PBX1: variants seen among roughly 807,000 people sequenced by gnomAD.
PBX1 encodes the protein pre-B-cell leukemia transcription factor 1.
PBX1 carries 6 observed loss-of-function variants against 53.4 expected under a neutral mutation model. The observed-to-expected ratio is 0.11, with a 90% CI of 0.06 to 0.22. PBX1 has a LOEUF of 0.22. Ranked by LOEUF, PBX1 falls within the 10% of genes least tolerant of loss-of-function variation. PBX1 has a pLI of 1.00. For synonymous variants in PBX1, 204 were observed against 212.3 expected (o/e 0.96, Z 0.34); for missense variants, 251 against 551.4 (o/e 0.46, Z 5.46).
intron 2 of PBX1, among the ~76,000 whole-genome samples, chr1:164,758,160 C>A (rs1321034457): frequency 6.6e-6 from 1 of 152,146 alleles, no homozygotes; most frequent in African/African-American, 2.4e-5. Flanking sequence ...ACAACTTCTA[C>A]CCCTAGAAAC....
At chr1:164,866,845 C>T (rs1233661784) in intron 2 of PBX1, among the ~76,000 whole-genome samples, 2 of 152,072 alleles carry the variant, frequency 1.3e-5, no homozygotes, top group Admixed American at 1.3e-4. Flanking sequence ...TCAGAAGGGA[C>T]CTTGAAAGTC....
At chr1:164,648,095 G>T (rs1032984978) in intron 2 of PBX1, among the ~76,000 whole-genome samples, 2 of 152,136 alleles carry the variant, frequency 1.3e-5, no homozygotes, top group South Asian at 4.1e-4. Flanking sequence ...GATTGCAGGC[G>T]TGAGCCACCG....
rs375506788 is a variant in PBX1, at chr1:164,799,722, C to G, written c.534C>G (p.His178Gln). 6.2e-7 allele frequency: 1 copy of G among 1,613,532 alleles called. No homozygotes were observed. The highest frequency in any genetic ancestry group is 8.5e-7 in the Non-Finnish European group (1 of 1,179,620). ...YEQACNEFTT[H>Q]VMNLLREQSR... Reference sequence around the variant, plus strand: ...AGGCCTGCAACGAGTTCACCACCCACGTGATGAATCTCCTGCGAGAGCAAA... The same window carrying G: ...AGGCCTGCAACGAGTTCACCACCCAGGTGATGAATCTCCTGCGAGAGCAAA... Residue 178 changes from histidine (H) to glutamine (Q), a missense_variant, in exon 4 of 9, where the codon CAC becomes CAG. His to Gln is a conservative substitution (Grantham distance 24). Transcript: ENST00000420696.
At chr1:164,625,555 G>A (rs1443854834) in intron 2 of PBX1, among the ~76,000 whole-genome samples, 1 of 152,150 alleles carries the variant, frequency 6.6e-6, no homozygotes. Flanking sequence ...AAAATGAGAA[G>A]TAATTTTTGG....
At chr1:164,653,294 C>T (rs996740737) in intron 2 of PBX1, among the ~76,000 whole-genome samples, 9 of 151,258 alleles carry the variant, frequency 6.0e-5, no homozygotes, top group Non-Finnish European at 1.3e-4. Flanking sequence ...TCCTTATTAT[C>T]GAGTGGTATT....
At chr1:164,754,948 G>A (rs1374359935) in intron 2 of PBX1, among the ~76,000 whole-genome samples, 1 of 152,130 alleles carries the variant, frequency 6.6e-6, no homozygotes, top group African/African-American at 2.4e-5. Flanking sequence ...ATTGAATGTG[G>A]TGCTAAGAAT....
chr1:164,781,779 G>T (rs553680957), intron 2 of PBX1, among the ~76,000 whole-genome samples: 2 of 152,222 alleles, frequency 1.3e-5, no homozygotes, highest in East Asian at 1.9e-4. Context: ...AATGACCAAG[G>T]TCTCTTTGAT....
chr1:164,780,429 C>G (rs1258130183), intron 2 of PBX1, among the ~76,000 whole-genome samples: 2 of 152,174 alleles, frequency 1.3e-5, no homozygotes, highest in African/African-American at 2.4e-5. Flanking sequence ...AGTCGAGAAG[C>G]CTTGTTCAGG....
In PBX1 at chr1:164,847,354, C is replaced by T. The variant is rs1671624747; in HGVS notation, c.*678C>T. On this transcript the variant is annotated 3_prime_UTR_variant, in exon 9 of 9. Coordinates refer to ENST00000420696, the MANE Select transcript of PBX1 (RefSeq NM_002585.4). Reference sequence around the variant, plus strand: ...GTGCCACATTTTTCAGTTTCATCTCCACTAGGTTGGTTCCCGGGCAGGAAG... The same window carrying T: ...GTGCCACATTTTTCAGTTTCATCTCTACTAGGTTGGTTCCCGGGCAGGAAG... 1 of 1,064,754 alleles carries T rather than the reference C, an allele frequency of 9.4e-7. No individual in the cohort carries two copies. Among genetic ancestry groups the T allele is most frequent in the Non-Finnish European group, 1.1e-6 (1 of 879,026 alleles). 66.0% of individuals were successfully genotyped at this position (1,064,754 alleles called of 1,614,324 possible).
intron 2 of PBX1, among the ~76,000 whole-genome samples, chr1:164,724,835 G>C (rs1664613155): frequency 6.6e-6 from 1 of 151,900 alleles, no homozygotes; most frequent in Non-Finnish European, 1.5e-5. Flanking sequence ...CAAATATGCA[G>C]CATTCATCTT....
chr1:164,693,096 A>G (rs1368412144), intron 2 of PBX1, among the ~76,000 whole-genome samples: 4 of 152,220 alleles, frequency 2.6e-5, no homozygotes, highest in Admixed American at 6.5e-5. Flanking sequence ...CTCTGCAGGA[A>G]GAAAGAGTTG....
At chr1:164,742,793 A>G (rs1665681718) in intron 2 of PBX1, among the ~76,000 whole-genome samples, 1 of 152,188 alleles carries the variant, frequency 6.6e-6, no homozygotes, top group African/African-American at 2.4e-5. Context: ...CAATTTAACC[A>G]AATTTGGGCT....
At chr1:164,880,784 C>G (rs1329353536) in intron 2 of PBX1, among the ~76,000 whole-genome samples, 4 of 152,152 alleles carry the variant, frequency 2.6e-5, no homozygotes, top group Non-Finnish European at 5.9e-5. Flanking sequence ...CTGTACATAC[C>G]AGAGAGCACT....
At chr1:164,687,561 TAAAAAAAA>T (rs5778407) in intron 2 of PBX1, among the ~76,000 whole-genome samples, 1 of 110,490 alleles carries the variant, frequency 9.1e-6, no homozygotes, top group Non-Finnish European at 1.8e-5. Context: ...AGACCTTGTC[TAAAAAAAA>T]AAAAAAAAAA....
At chr1:164,734,166 A>T (rs1665148386) in intron 2 of PBX1, among the ~76,000 whole-genome samples, 1 of 152,144 alleles carries the variant, frequency 6.6e-6, no homozygotes, top group Admixed American at 6.5e-5. Context: ...AATACGTTGG[A>T]TCCTACCACT....
Position 164,792,570 on chromosome 1 carries a change from G to A in PBX1, c.342G>A (p.Ala114=), listed in dbSNP as rs778963772. Residue 114 remains alanine, a synonymous_variant, in exon 3 of 9, where the codon GCG becomes GCA. Transcript: ENST00000420696. ...QLMRLDNMLL[A]EGVAGPEKGG... The stretch of plus-strand genomic sequence containing the variant: ...TGCGGCTGGACAACATGCTGTTAGC[G>A]GAAGGCGTGGCGGGGCCTGAGAAGG... The A allele has an allele frequency of 2.5e-6, 4 of 1,614,110 alleles. No homozygotes were observed. Among genetic ancestry groups the A allele is most frequent in the Non-Finnish European group, 2.5e-6 (3 of 1,180,008 alleles).
chr1:164,864,219 C>T (rs1672164445), intron 2 of PBX1, among the ~76,000 whole-genome samples: 1 of 152,026 alleles, frequency 6.6e-6, no homozygotes, highest in Non-Finnish European at 1.5e-5. Context: ...ATACTTTCTC[C>T]ATTATTAACC....
chr1:164,757,242 T>C (rs1427512578), intron 2 of PBX1, among the ~76,000 whole-genome samples: 1 of 152,186 alleles, frequency 6.6e-6, no homozygotes, highest in Non-Finnish European at 1.5e-5. Context: ...AATAGTGATA[T>C]TTTTGAAAAG....
At chr1:164,793,813 T>TC (rs142313347) in intron 3 of PBX1, among the ~76,000 whole-genome samples, 2,157 of 150,438 alleles carry the variant, frequency 0.014, 62 homozygotes, top group African/African-American at 0.05. Flanking sequence ...TTCTTTTTTT[T>TC]CGTTTCTTCT....
Sources: allele counts gnomAD v4.1 joint callset (sites outside exome capture counted in the v4.1 genomes callset), GRCh38; gene constraint gnomAD v4.1.1; transcripts MANE v1.5; gene names NCBI Gene and HGNC (gene_info 2026-07-23, HGNC 2026-07-21).